CUBN: variants seen among roughly 807,000 people sequenced by gnomAD.
CUBN encodes cubilin, also known as 460 kDa receptor.
Under a neutral mutation model 405.3 loss-of-function variants are expected in CUBN, and 282 were observed. The observed-to-expected ratio is 0.70, with a 90% CI of 0.63 to 0.77. The LOEUF (loss-of-function observed/expected upper bound fraction) is 0.77. Ranked by LOEUF, CUBN falls within the 30% of genes least tolerant of loss-of-function variation. The pLI is 0.00. For missense variants in CUBN, 4,514 were observed against 4,475.2 expected, an observed-to-expected ratio of 1.01 and a Z score of -0.25; for synonymous variants, 1,684 against 1,617.0, an observed-to-expected ratio of 1.04 and a Z score of -0.99.
At chr10:16,917,727 G>A (rs1175564337) in intron 45 of CUBN, among the ~76,000 whole-genome samples, 5 of 152,182 alleles carry the variant, frequency 3.3e-5, no homozygotes, top group South Asian at 4.2e-4. Context: ...AAAATTAAAA[G>A]AGAAATTAAA....
At chr10:17,064,952 T>A (rs1312486634) in intron 22 of CUBN, among the ~76,000 whole-genome samples, 1 of 152,226 alleles carries the variant, frequency 6.6e-6, no homozygotes, top group East Asian at 1.9e-4. Flanking sequence ...TAGTCTCTAA[T>A]TTTTATACAT....
rs1840781661 is a variant in CUBN at position 16,885,341 on chromosome 10, AT to A, written c.8905+3075del. Among the ~76,000 whole-genome samples, 5 of 152,352 alleles carry A rather than the reference AT, an allele frequency of 3.3e-5. No homozygotes were observed. In the South Asian group the frequency reaches 1.0e-3, roughly 32 times the overall value. Reference sequence around the variant, plus strand: ...TGTAAGGATACCATCTTAGAAAAGAATCAGTCTTCAACTGAGTGAGGATTGG... The same window carrying A: ...TGTAAGGATACCATCTTAGAAAAGAACAGTCTTCAACTGAGTGAGGATTGG... On this transcript the variant is annotated intron_variant, in intron 56 of 66. Coordinates refer to ENST00000377833, the MANE Select transcript of CUBN (RefSeq NM_001081.4).
At chr10:16,829,113 A>T in intron 65 of CUBN, 73 bp from the exon 66 acceptor site, 1 of 1,108,928 alleles carries the variant, frequency 9.0e-7, no homozygotes, top group Non-Finnish European at 1.4e-6. Context: ...TTAGGCAATA[A>T]GACTTTATTT....
intron 19 of CUBN, among the ~76,000 whole-genome samples, 160 bp from the exon 20 acceptor site, chr10:17,068,930 C>T (rs978627117): frequency 6.6e-6 from 1 of 152,116 alleles, no homozygotes; most frequent in Non-Finnish European, 1.5e-5. Flanking sequence ...CACTCATATC[C>T]TTTAGCAGTC....
At chr10:17,029,480 C>CTGG in intron 27 of CUBN, among the ~76,000 whole-genome samples, 1 of 152,356 alleles carries the variant, frequency 6.6e-6, no homozygotes, top group East Asian at 1.9e-4. Flanking sequence ...GGATATACTT[C>CTGG]ATTCTAAACT....
chr10:16,972,307 G>A (rs753020996), intron 31 of CUBN, among the ~76,000 whole-genome samples: 1 of 152,090 alleles, frequency 6.6e-6, no homozygotes, highest in Non-Finnish European at 1.5e-5. Context: ...ATCCTCAATT[G>A]TATATGTCTA....
At chr10:17,087,812 T>C (rs1836157498) in intron 15 of CUBN, among the ~76,000 whole-genome samples, 1 of 152,164 alleles carries the variant, frequency 6.6e-6, no homozygotes, top group South Asian at 2.1e-4. Flanking sequence ...TGAAAGACCT[T>C]GCCAGTTTAC....
At chr10:17,007,595 G>A (rs914856885) in intron 28 of CUBN, among the ~76,000 whole-genome samples, 8 of 149,160 alleles carry the variant, frequency 5.4e-5, no homozygotes, top group East Asian at 2.1e-4. Flanking sequence ...TTTGGAGATC[G>A]TACTGCACAG....
intron 21 of CUBN, 113 bp downstream of exon 21, chr10:17,067,951 A>G: frequency 1.2e-6 from 1 of 803,878 alleles, no homozygotes; most frequent in Non-Finnish European, 2.1e-6. Flanking sequence ...ATTAAGAAGC[A>G]TGAGGATCTC....
chr10:16,832,645 C>T (rs1839043521), intron 64 of CUBN, among the ~76,000 whole-genome samples: 1 of 152,120 alleles, frequency 6.6e-6, no homozygotes, highest in Admixed American at 6.5e-5. Flanking sequence ...TACTAATTTC[C>T]ACTGACACTG....
chr10:16,915,734 C>T, intron 46 of CUBN, 87 bp downstream of exon 46: 2 of 1,128,066 alleles, frequency 1.8e-6, no homozygotes, highest in Non-Finnish European at 2.7e-6. Context: ...TGTGCTTTTG[C>T]CTTTCTTGGA....
intron 39 of CUBN, among the ~76,000 whole-genome samples, chr10:16,936,862 G>A (rs931653281): frequency 1.3e-5 from 2 of 152,064 alleles, no homozygotes; most frequent in Non-Finnish European, 2.9e-5. Context: ...GGCTACAGAC[G>A]CGCTCCACCA....
In CUBN at chr10:16,913,986, C is replaced by T; in HGVS notation, c.7358G>A (p.Gly2453Asp). ...TCCAATAGAGCCCTGAAGATCCCCA[C>T]CACACTCTGACGTGGGGAAAAAGCC... ...LRFESSMEEC[G>D]GDLQGSIGTF... The change falls in exon 48 of 67, where the codon GGT becomes GAT. Residue 2453 changes from glycine to aspartate, a missense_variant. By Grantham distance (94) the Gly-to-Asp change is moderately conservative. Coordinates refer to ENST00000377833, the MANE Select transcript of CUBN (RefSeq NM_001081.4). 1 of 1,613,994 alleles carries T rather than the reference C, an allele frequency of 6.2e-7. No individual in the cohort carries two copies. The highest frequency in any genetic ancestry group is 1.1e-5 in the South Asian group (1 of 91,076).
chr10:16,978,423 G>A (rs1833161554), intron 31 of CUBN, among the ~76,000 whole-genome samples: 1 of 152,212 alleles, frequency 6.6e-6, no homozygotes, highest in South Asian at 2.1e-4. Flanking sequence ...GAGAGTAGCT[G>A]GATGTTCTAC....
At chr10:16,828,772 C>T (rs573039810) in intron 66 of CUBN, 33 bp downstream of exon 66, 2 of 1,478,914 alleles carry the variant, frequency 1.4e-6, no homozygotes, top group East Asian at 2.3e-5. Context: ...CTAAAAATAA[C>T]AAATGGGAAT....
chr10:16,928,532 C>CCCCTTTTTTTTTTTTTT (rs1403918589), intron 40 of CUBN, among the ~76,000 whole-genome samples: 1 of 107,122 alleles, frequency 9.3e-6, no homozygotes, highest in African/African-American at 3.6e-5. Flanking sequence ...CCACCCCCCC[C>CCCCTTTTTTTTTTTTTT]TTTTTTTTTT....
intron 50 of CUBN, among the ~76,000 whole-genome samples, chr10:16,905,884 G>A (rs775301840): frequency 3.9e-5 from 6 of 152,196 alleles, no homozygotes; most frequent in Non-Finnish European, 7.3e-5. Flanking sequence ...AGGCCAAAGA[G>A]GGAGGATCAC....
intron 65 of CUBN, among the ~76,000 whole-genome samples, chr10:16,830,818 G>A (rs1026481145): frequency 2.1e-4 from 32 of 152,068 alleles, no homozygotes; most frequent in Admixed American, 3.9e-4. Flanking sequence ...TAATCTGGCC[G>A]GGCGCGGTGG....
chr10:17,087,861 T>C (rs1836158435), intron 15 of CUBN, among the ~76,000 whole-genome samples: 1 of 152,156 alleles, frequency 6.6e-6, no homozygotes, highest in Non-Finnish European at 1.5e-5. Flanking sequence ...TTGAAGGAGA[T>C]GGCTATTACT....
Sources: allele counts gnomAD v4.1 joint callset (sites outside exome capture counted in the v4.1 genomes callset), GRCh38; gene constraint gnomAD v4.1.1; transcripts MANE v1.5; gene names NCBI Gene and HGNC (gene_info 2026-07-23, HGNC 2026-07-21).